Variants in NAALADL2 observed in about 807,000 individuals in gnomAD.
The protein encoded by NAALADL2 is inactive N-acetylated-alpha-linked acidic dipeptidase-like protein 2.
A neutral mutation model predicts 87.2 loss-of-function variants in NAALADL2; 76 were observed. The observed-to-expected ratio is 0.87, with a 90% CI of 0.72 to 1.05. The LOEUF is 1.05. Among genes scored for constraint, NAALADL2 ranks in the 50% least tolerant of loss-of-function variants. The pLI, the probability that NAALADL2 is intolerant of heterozygous loss-of-function variation, is 0.00. For synonymous variants in NAALADL2, 354 were observed against 331.0 expected, an observed-to-expected ratio of 1.07 and a Z score of -0.75; for missense variants, 1,089 against 945.8, an observed-to-expected ratio of 1.15 and a Z score of -1.99.
chr3:175,400,319 T>A (rs1291186267), intron 5 of NAALADL2, among the ~76,000 whole-genome samples: 1 of 152,086 alleles, frequency 6.6e-6, no homozygotes, highest in Non-Finnish European at 1.5e-5. Flanking sequence ...AAGGGCTTCA[T>A]CGGTACTGGC....
chr3:174,726,132 C>G (rs980231663), intron 2 of NAALADL2, among the ~76,000 whole-genome samples: 10 of 152,120 alleles, frequency 6.6e-5, no homozygotes, highest in Admixed American at 6.6e-4. Flanking sequence ...AAGTCTCAGT[C>G]AGTGCTGTGC....
intron 2 of NAALADL2, among the ~76,000 whole-genome samples, chr3:174,640,152 A>G (rs1189121397): frequency 6.6e-6 from 1 of 152,204 alleles, no homozygotes; most frequent in Non-Finnish European, 1.5e-5. Flanking sequence ...GCGTTTCTCA[A>G]TCATGGGTGC....
At chr3:175,059,933 C>T in intron 1 of NAALADL2, 1 of 414,594 alleles carries the variant, frequency 2.4e-6, no homozygotes, top group Admixed American at 2.9e-5. Context: ...GCCACATCTG[C>T]TTGTGGTGGC....
intron 5 of NAALADL2, among the ~76,000 whole-genome samples, chr3:175,376,056 T>C (rs796631745): frequency 4.6e-5 from 7 of 152,270 alleles, no homozygotes; most frequent in African/African-American, 1.7e-4. Flanking sequence ...TTCTCTCCCA[T>C]ATTTTGTTGC....
intron 2 of NAALADL2, among the ~76,000 whole-genome samples, chr3:175,193,699 C>T (rs1019663498): frequency 8.6e-5 from 13 of 151,836 alleles, no homozygotes; most frequent in East Asian, 1.9e-4. Flanking sequence ...AAAAAACCTC[C>T]ACTATTCACT....
intron 2 of NAALADL2, among the ~76,000 whole-genome samples, chr3:174,611,157 G>T (rs1219744240): frequency 2.9e-5 from 4 of 138,186 alleles, no homozygotes; most frequent in African/African-American, 1.1e-4. Flanking sequence ...ATACTCTGGG[G>T]ACTGTTGTGA....
chr3:175,356,800 A>T (rs2148894764), intron 5 of NAALADL2, among the ~76,000 whole-genome samples: 1 of 152,042 alleles, frequency 6.6e-6, no homozygotes, highest in African/African-American at 2.4e-5. Flanking sequence ...GACTTTGAGG[A>T]TGCATGATGA....
intron 4 of NAALADL2, among the ~76,000 whole-genome samples, chr3:175,281,624 C>A (rs894285363): frequency 6.6e-6 from 1 of 151,960 alleles, no homozygotes; most frequent in African/African-American, 2.4e-5. Flanking sequence ...AAGCCTCCAA[C>A]ATTATCAGAC....
At chr3:175,568,859 C>T (rs981474108) in intron 9 of NAALADL2, among the ~76,000 whole-genome samples, 6 of 152,118 alleles carry the variant, frequency 3.9e-5, no homozygotes, top group African/African-American at 1.4e-4. Flanking sequence ...CTCATAACTG[C>T]AGTATTTCCA....
chr3:174,714,939 A>G (rs1731040498), intron 2 of NAALADL2, among the ~76,000 whole-genome samples: 1 of 152,150 alleles, frequency 6.6e-6, no homozygotes, highest in Admixed American at 6.6e-5. Context: ...TGGGTTTGTC[A>G]TAGATAGCTC....
chr3:175,113,440 A>T (rs75978562), intron 2 of NAALADL2, among the ~76,000 whole-genome samples: 3,082 of 151,628 alleles, frequency 0.02, 44 homozygotes, highest in Non-Finnish European at 0.031. Flanking sequence ...TAAAATTCTT[A>T]GGTTTTAGAA....
chr3:174,695,428 TA>T (rs1218790862), intron 2 of NAALADL2, among the ~76,000 whole-genome samples: 1 of 151,982 alleles, frequency 6.6e-6, no homozygotes, highest in Admixed American at 6.6e-5. Context: ...ATTTTTGATA[TA>T]ACCAGTAACT....
At chr3:175,024,252 A>T (rs749121385) in intron 1 of NAALADL2, among the ~76,000 whole-genome samples, 19 of 152,074 alleles carry the variant, frequency 1.2e-4, no homozygotes, top group Non-Finnish European at 1.8e-4. Context: ...TTAAAATTTG[A>T]ACTGCCCAAG....
intron 1 of NAALADL2, among the ~76,000 whole-genome samples, chr3:174,952,900 C>T (rs1047886988): frequency 6.6e-6 from 1 of 151,964 alleles, no homozygotes; most frequent in African/African-American, 2.4e-5. Context: ...TTAGTGCCCT[C>T]CTCTTTCACT....
chr3:175,093,347 C>G (rs547746370), intron 1 of NAALADL2, among the ~76,000 whole-genome samples: 15 of 149,776 alleles, frequency 1.0e-4, no homozygotes, highest in African/African-American at 3.7e-4. Context: ...TATGCTATCT[C>G]AAAGCTGAAT....
intron 6 of NAALADL2, among the ~76,000 whole-genome samples, chr3:175,459,053 G>A (rs1722734248): frequency 6.6e-6 from 1 of 151,900 alleles, no homozygotes; most frequent in East Asian, 1.9e-4. Flanking sequence ...CTTGGGCCCT[G>A]ATATACCATG....
intron 9 of NAALADL2, among the ~76,000 whole-genome samples, chr3:175,493,414 CT>C (rs1250870025): frequency 2.6e-5 from 4 of 152,080 alleles, no homozygotes; most frequent in African/African-American, 9.7e-5. Context: ...GTGCTCCCCT[CT>C]TAAGGAAACA....
At chr3:175,032,292 T>A (rs1014386101) in intron 1 of NAALADL2, among the ~76,000 whole-genome samples, 1 of 152,070 alleles carries the variant, frequency 6.6e-6, no homozygotes, top group South Asian at 2.1e-4. Flanking sequence ...TATTAATAAA[T>A]CTGTGTAATT....
At chr3:175,576,353 G>T (rs1190775139) in intron 10 of NAALADL2, among the ~76,000 whole-genome samples, 166 bp downstream of exon 10, 1 of 152,160 alleles carries the variant, frequency 6.6e-6, no homozygotes, top group Admixed American at 6.5e-5. Context: ...AATAGTATTT[G>T]AAAACATCAG....
Sources: allele counts gnomAD v4.1 joint callset (sites outside exome capture counted in the v4.1 genomes callset), GRCh38; gene constraint gnomAD v4.1.1; transcripts MANE v1.5; gene names NCBI Gene and HGNC (gene_info 2026-07-23, HGNC 2026-07-21).